The following NF2 variants were observed in gnomAD, a reference collection of about 807,000 sequenced individuals.
NF2 encodes merlin.
A neutral mutation model predicts 83.7 loss-of-function variants in NF2; 8 were observed. That is an observed-to-expected ratio of 0.10 (90% CI 0.06 to 0.17). The LOEUF is 0.17. Among genes scored for constraint, NF2 ranks in the 10% least tolerant of loss-of-function variants. The pLI is 1.00. For missense variants in NF2, 533 were observed against 744.4 expected (o/e 0.72, Z 3.31); for synonymous variants, 266 against 269.6 (o/e 0.99, Z 0.13).
intron 13 of NF2, among the ~76,000 whole-genome samples, chr22:29,676,616 T>C (rs773687861): frequency 1.2e-4 from 18 of 152,238 alleles, no homozygotes; most frequent in Admixed American, 3.3e-4. Context: ...TGGATTGTAA[T>C]TTATTTAACC....
intron 4 of NF2, among the ~76,000 whole-genome samples, chr22:29,653,546 G>A (rs189112493): frequency 6.6e-6 from 1 of 151,490 alleles, no homozygotes; most frequent in African/African-American, 2.4e-5. Flanking sequence ...AGATTCAAAA[G>A]AAATATGAAT....
In NF2 at chr22:29,636,984, A is replaced by C; in HGVS notation, c.240+108A>C. 1 of 1,499,152 alleles carries C rather than the reference A, an allele frequency of 6.7e-7. No individual in the cohort carries two copies. Among genetic ancestry groups the C allele is most frequent in the Non-Finnish European group, 9.3e-7 (1 of 1,078,396 alleles). 92.9% of individuals were successfully genotyped at this position (1,499,152 alleles called of 1,614,324 possible). A position where few individuals can be genotyped will look rare whatever the true frequency, so the allele number is the denominator to read the frequency against. On this transcript the variant is annotated intron_variant, in intron 2 of 15. Transcript: ENST00000338641. The surrounding 1 kb of genome is among the most constrained non-coding windows in gnomAD (Gnocchi z 4.4). ...GGGCGCTGTAGCTGTATAGTAGAGAAGGGGGCACATTCCTGAATTAAGTCA... is the reference window on the plus strand; with the variant it reads ...GGGCGCTGTAGCTGTATAGTAGAGACGGGGGCACATTCCTGAATTAAGTCA...
chr22:29,617,526 G>GT (rs1293500371), intron 1 of NF2, among the ~76,000 whole-genome samples: 1 of 151,930 alleles, frequency 6.6e-6, no homozygotes, highest in African/African-American at 2.4e-5. Context: ...ACATTGTCAA[G>GT]TGTCCCTGGG....
chr22:29,636,836 C>T lies in NF2; in HGVS notation c.200C>T (p.Thr67Ile), dbSNP rs2146853974. Residue 67 changes from threonine to isoleucine, a missense_variant, in exon 2 of 16, where the codon ACA becomes ATA. By Grantham distance (89) the Thr-to-Ile change is moderately conservative. Around this residue, in one of 3 missense-constraint regions of NF2, gnomAD observed 326 missense variants for 475.1 expected, o/e 0.69. Transcript: ENST00000338641. This position sits in a 1 kb window ranked among gnomAD's most constrained non-coding sequence, Gnocchi z 4.4. ...ACCTGGTTCTTTGGACTGCAGTACA[C>T]AATCAAGGACACAGTGGCCTGGCTC... ...RETWFFGLQY[T>I]IKDTVAWLKM... The T allele has an allele frequency of 1.2e-6, 2 of 1,614,186 alleles. No homozygotes were observed. Among genetic ancestry groups the T allele is most frequent in the South Asian group, 2.2e-5 (2 of 91,082 alleles).
At chr22:29,668,221 T>C in intron 9 of NF2, 112 bp from the exon 10 acceptor site, 1 of 759,228 alleles carries the variant, frequency 1.3e-6, no homozygotes, top group Non-Finnish European at 2.3e-6. Context: ...TGCATTCATC[T>C]TCACGTTTAC....
chr22:29,631,174 G>GC (rs1344604591), intron 1 of NF2, among the ~76,000 whole-genome samples: 1 of 152,150 alleles, frequency 6.6e-6, no homozygotes, highest in Admixed American at 6.5e-5. Flanking sequence ...TAATTATGCT[G>GC]TTTGTCAGAT....
At chr22:29,624,596 T>C (rs921961468) in intron 1 of NF2, among the ~76,000 whole-genome samples, 3 of 152,208 alleles carry the variant, frequency 2.0e-5, no homozygotes, top group African/African-American at 7.2e-5. Flanking sequence ...AAATGTTACC[T>C]ATCTATGTTG....
intron 1 of NF2, among the ~76,000 whole-genome samples, chr22:29,618,752 G>A (rs1266648795): frequency 1.3e-5 from 2 of 152,156 alleles, no homozygotes; most frequent in African/African-American, 4.8e-5. Flanking sequence ...CATTCTAAAT[G>A]TTTTCACATA....
chr22:29,606,529 A>G (rs377282737), intron 1 of NF2, among the ~76,000 whole-genome samples: 80 of 152,220 alleles, frequency 5.3e-4, no homozygotes, highest in African/African-American at 1.6e-3. Flanking sequence ...GCCCTAAAAC[A>G]GATAGCTCCT....
At chr22:29,684,077 T>A in intron 15 of NF2, 2 of 286,002 alleles carry the variant, frequency 7.0e-6, no homozygotes, top group East Asian at 1.8e-4. Flanking sequence ...ATAAGATAGA[T>A]CCTACTTGTG....
At chr22:29,644,657 G>A (rs1245647794) in intron 4 of NF2, among the ~76,000 whole-genome samples, 2 of 152,170 alleles carry the variant, frequency 1.3e-5, no homozygotes, top group African/African-American at 4.8e-5. Context: ...ACGAGACTCC[G>A]TCTGCAATCC....
intron 9 of NF2, among the ~76,000 whole-genome samples, 184 bp downstream of exon 9, chr22:29,665,248 GT>G (rs556026377): frequency 3.3e-4 from 45 of 135,940 alleles, no homozygotes; most frequent in African/African-American, 1.1e-3. Flanking sequence ...TTTTTTTTTT[GT>G]TTTTTTTTTG....
At position 29,694,964 on chromosome 22, in the gene NF2, C is replaced by CA; in HGVS notation, c.*164dup. 2 of 731,330 alleles carry CA rather than the reference C, an allele frequency of 2.7e-6. No individual in the cohort carries two copies. Among genetic ancestry groups the CA allele is most frequent in the South Asian group, 3.0e-5 (2 of 66,876 alleles). 45.3% of individuals were successfully genotyped at this position (731,330 alleles called of 1,614,324 possible). A position where few individuals can be genotyped will look rare whatever the true frequency, so the allele number is the denominator to read the frequency against. ...TGAAGAGCCCAGCCCCTCTTATGTG[C>CA]AATTGCCTTGAACTACGACCCTGTA... On this transcript the variant is annotated 3_prime_UTR_variant, in exon 16 of 16. Transcript: ENST00000338641. The surrounding 1 kb of genome is among the most constrained non-coding windows in gnomAD (Gnocchi z 4.1).
chr22:29,689,818 C>T (rs740527), intron 15 of NF2, among the ~76,000 whole-genome samples: 228 of 152,352 alleles, frequency 1.5e-3, no homozygotes, highest in African/African-American at 5.2e-3. Context: ...CACAATGCAG[C>T]CTTGTGAATC....
chr22:29,644,813 C>T (rs540456076), intron 4 of NF2, among the ~76,000 whole-genome samples: 82 of 152,126 alleles, frequency 5.4e-4, no homozygotes, highest in African/African-American at 1.9e-3. Flanking sequence ...TGCAGGCACT[C>T]GGCAGGCTGA....
At chr22:29,612,225 C>T (rs2064970984) in intron 1 of NF2, among the ~76,000 whole-genome samples, 2 of 152,114 alleles carry the variant, frequency 1.3e-5, no homozygotes, top group Non-Finnish European at 2.9e-5. Flanking sequence ...CCAGGCTGGT[C>T]TCGAACTCCT....
chr22:29,653,443 CAAA>C (rs57099430), intron 4 of NF2, among the ~76,000 whole-genome samples: 7 of 94,302 alleles, frequency 7.4e-5, no homozygotes, highest in Non-Finnish European at 8.4e-5. Context: ...GACTCTGTCT[CAAA>C]AAAAAAAAAA....
chr22:29,685,189 C>G (rs117706381), intron 15 of NF2, among the ~76,000 whole-genome samples: 2,877 of 152,058 alleles, frequency 0.019, 43 homozygotes, highest in Non-Finnish European at 0.032. Flanking sequence ...CTCACTGCAA[C>G]CTCCACCTCA....
intron 1 of NF2, among the ~76,000 whole-genome samples, chr22:29,606,526 A>G (rs1222514688): frequency 6.6e-6 from 1 of 152,176 alleles, no homozygotes; most frequent in Non-Finnish European, 1.5e-5. Context: ...CAGGCCCTAA[A>G]ACAGATAGCT....
Sources: gnomAD v4.1 joint callset for allele counts (sites outside exome capture counted in the v4.1 genomes callset) on GRCh38, gnomAD v4.1.1 for gene constraint, gnomAD v4.1.1 regional missense constraint, Gnocchi (gnomAD v3.1) non-coding constraint, MANE v1.5 for transcripts, NCBI Gene and HGNC (gene_info 2026-07-23, HGNC 2026-07-21) for gene names.